The following NAAA variants were observed in gnomAD, a reference collection of about 807,000 sequenced individuals.
The protein encoded by NAAA is N-acylethanolamine acid amidase.
NAAA carries 39 observed loss-of-function variants against 44.8 expected under a neutral mutation model. The observed-to-expected ratio is 0.87, with a 90% CI of 0.67 to 1.14. The LOEUF is 1.14. Ranked by LOEUF, NAAA falls within the 50% of genes most tolerant of loss-of-function variation. The pLI, the probability that NAAA is intolerant of heterozygous loss-of-function variation, is 0.00. For missense variants in NAAA, 460 were observed against 467.8 expected (o/e 0.98, Z 0.15); for synonymous variants, 178 against 191.3 (o/e 0.93, Z 0.58).
At chr4:75,910,805 A>G (rs78105394), downstream of NAAA, among the ~76,000 whole-genome samples, 13,931 of 152,270 alleles carry the variant, frequency 0.091, 1,173 homozygotes, top group African/African-American at 0.22. Context: ...CACTGTTATC[A>G]CTGTCACACA....
At chr4:75,918,412 G>A (rs573014862) in intron 9 of NAAA, among the ~76,000 whole-genome samples, 5 of 151,940 alleles carry the variant, frequency 3.3e-5, no homozygotes, top group Admixed American at 6.6e-5. Flanking sequence ...CCGAGATTGC[G>A]CCACTGCACT....
intron 8 of NAAA, chr4:75,919,625 C>T (rs1014018016): frequency 5.9e-6 from 3 of 509,720 alleles, no homozygotes; most frequent in African/African-American, 4.0e-5. Flanking sequence ...ACTACAGGCA[C>T]CCGCCACTAC....
At chr4:75,928,945 G>A (rs1002020146) in intron 4 of NAAA, among the ~76,000 whole-genome samples, 8 of 145,870 alleles carry the variant, frequency 5.5e-5, no homozygotes, top group African/African-American at 1.5e-4. Flanking sequence ...CCGCCACCAC[G>A]CCCGGCTAAA....
At chr4:75,921,213 T>C in intron 5 of NAAA, 90 bp from the exon 6 acceptor site, 1 of 1,182,214 alleles carries the variant, frequency 8.5e-7, no homozygotes, top group Non-Finnish European at 1.2e-6. Context: ...CACATTCTCC[T>C]GATATGTTAT....
At chr4:75,925,003 T>TC (rs1287585108) in intron 5 of NAAA, among the ~76,000 whole-genome samples, 1 of 151,910 alleles carries the variant, frequency 6.6e-6, no homozygotes, top group Non-Finnish European at 1.5e-5. Context: ...TTCATTTTTT[T>TC]TTTTTGAGAC....
chr4:75,929,382 A>G (rs1727032607), intron 4 of NAAA, among the ~76,000 whole-genome samples: 1 of 152,218 alleles, frequency 6.6e-6, no homozygotes, highest in Admixed American at 6.5e-5. Context: ...GGCCCAAGCC[A>G]TCCTCCCATT....
At chr4:75,924,910 A>T (rs1360985992) in intron 5 of NAAA, among the ~76,000 whole-genome samples, 1 of 151,494 alleles carries the variant, frequency 6.6e-6, no homozygotes, top group African/African-American at 2.5e-5. Flanking sequence ...CCAGGCTGTC[A>T]AAAGAATTTG....
intron 5 of NAAA, among the ~76,000 whole-genome samples, chr4:75,923,558 G>A (rs927351414): frequency 1.6e-4 from 22 of 139,566 alleles, no homozygotes; most frequent in Non-Finnish European, 2.7e-4. Flanking sequence ...TTTTTTTTTT[G>A]AGACAGAGTC....
At position 75,919,879 on chromosome 4, in the gene NAAA, AGGTATGCAGG is replaced by A. The variant is rs1490053844; in HGVS notation, c.969+20_969+29del. 4 of 1,578,554 alleles carry A rather than the reference AGGTATGCAGG, an allele frequency of 2.5e-6. No homozygotes were observed. Among genetic ancestry groups the A allele is most frequent in the Non-Finnish European group, 3.5e-6 (4 of 1,147,850 alleles). On this transcript the variant is annotated intron_variant, in intron 8 of 10. Coordinates refer to ENST00000286733, the MANE Select transcript of NAAA (RefSeq NM_014435.4). ...CTATTAACAAAACACCAAACATCCT[AGGTATGCAGG>A]ACACTGTGACACAAGTTACCTGGAA...
chr4:75,929,281 T>A (rs903549043), intron 4 of NAAA, among the ~76,000 whole-genome samples: 2 of 152,198 alleles, frequency 1.3e-5, no homozygotes, highest in African/African-American at 4.8e-5. Flanking sequence ...CATATCTTTA[T>A]CCTTTCCTAG....
At chr4:75,919,144 C>T (rs984873150) in intron 8 of NAAA, among the ~76,000 whole-genome samples, 8 of 152,064 alleles carry the variant, frequency 5.3e-5, no homozygotes, top group South Asian at 2.1e-4. Flanking sequence ...CAGGGTCAAC[C>T]GATTCTCCTG....
At chr4:75,913,619 G>C, downstream of NAAA, 1 of 921,204 alleles carries the variant, frequency 1.1e-6, no homozygotes, top group African/African-American at 1.8e-5. Flanking sequence ...AGAACCATAA[G>C]ACTTCGGAGG....
At chr4:75,934,570 G>T (rs556323464) in intron 3 of NAAA, among the ~76,000 whole-genome samples, 1 of 149,580 alleles carries the variant, frequency 6.7e-6, no homozygotes, top group African/African-American at 2.5e-5. Flanking sequence ...CTCGTGATTC[G>T]CCTGCCTCGG....
chr4:75,911,528 G>A (rs1725323899), downstream of NAAA, among the ~76,000 whole-genome samples: 1 of 152,156 alleles, frequency 6.6e-6, no homozygotes, highest in Non-Finnish European at 1.5e-5. Context: ...GGGGGTTGCT[G>A]ATTGGGGATG....
At chr4:75,933,531 C>T (rs1727430984) in intron 3 of NAAA, among the ~76,000 whole-genome samples, 1 of 152,100 alleles carries the variant, frequency 6.6e-6, no homozygotes, top group Non-Finnish European at 1.5e-5. Flanking sequence ...GTCAGGGTCA[C>T]TCTTGGAGGG....
At position 75,941,011 on chromosome 4, in the gene NAAA, C is replaced by A; in HGVS notation, c.-62G>T. ...AGCCGCTGTCGGAGCCCGGGTAAGCCGTGGAGGAGGAGGAGCTGGGGCTGG... is the reference window on the plus strand; with the variant it reads ...AGCCGCTGTCGGAGCCCGGGTAAGCAGTGGAGGAGGAGGAGCTGGGGCTGG... On this transcript the variant is annotated 5_prime_UTR_variant, in exon 1 of 11. Coordinates refer to ENST00000286733, the MANE Select transcript of NAAA (RefSeq NM_014435.4). 1.4e-6 allele frequency: 2 copies of A among 1,401,060 alleles called. No individual in the cohort carries two copies. Among genetic ancestry groups the A allele is most frequent in the Non-Finnish European group, 1.8e-6 (2 of 1,082,932 alleles). The allele number at this position is 1,401,060 out of a possible 1,614,324, so 86.8% of individuals were successfully genotyped here.
In NAAA at chr4:75,920,999, T is replaced by C. The variant is rs1726104110; in HGVS notation, c.791A>G (p.Asn264Ser). The change falls in exon 6 of 11, where the codon AAC becomes AGC. Residue 264 changes from asparagine to serine, a missense_variant. Physicochemically the swap from Asn to Ser is conservative, Grantham distance 46. Transcript: ENST00000286733. ...SPREGVVITR[N>S]RDGPADIWPL... ...CCAAATGTCTGCTGGGCCATCTCTG[T>C]TCCTCGTGATGACCACCCCCTCCCG... 5 of 1,611,916 alleles carry C rather than the reference T, an allele frequency of 3.1e-6. No homozygotes were observed. The highest frequency in any genetic ancestry group is 2.2e-5 in the South Asian group (2 of 90,616).
Sources: allele counts gnomAD v4.1 joint callset (sites outside exome capture counted in the v4.1 genomes callset), GRCh38; gene constraint gnomAD v4.1.1; transcripts MANE v1.5; gene names NCBI Gene and HGNC (gene_info 2026-07-23, HGNC 2026-07-21).